The following RAB1B variants were observed in gnomAD, a reference collection of about 807,000 sequenced individuals.
The protein encoded by RAB1B is ras-related protein Rab-1B.
In RAB1B, 10 loss-of-function variants were observed where a neutral mutation model predicts 24.8. The observed-to-expected ratio is 0.40, with a 90% CI of 0.25 to 0.68. RAB1B has a LOEUF of 0.68. Among genes scored for constraint, RAB1B ranks in the 30% least tolerant of loss-of-function variants. RAB1B has a pLI of 0.37. For missense variants in RAB1B, 154 were observed against 271.2 expected (o/e 0.57, Z 3.04); for synonymous variants, 99 against 111.7 (o/e 0.89, Z 0.72).
intron 4 of RAB1B, among the ~76,000 whole-genome samples, chr11:66,273,335 G>A (rs1391970924): frequency 6.6e-6 from 1 of 152,156 alleles, no homozygotes; most frequent in African/African-American, 2.4e-5. Flanking sequence ...ACGAGCTGTG[G>A]GGAAGCTACA....
At chr11:66,270,677 G>A (rs1022887455) in intron 1 of RAB1B, 3 of 152,294 alleles carry the variant, frequency 2.0e-5, no homozygotes, top group Non-Finnish European at 4.4e-5. Context: ...AGCCTCCCCA[G>A]TAGCTGGAAC....
chr11:66,268,906 C>G (rs1196147220), intron 1 of RAB1B, among the ~76,000 whole-genome samples: 1 of 145,636 alleles, frequency 6.9e-6, no homozygotes, highest in African/African-American at 2.5e-5. Context: ...CACCCGGGGC[C>G]CAGACGTGGC....
intron 1 of RAB1B, chr11:66,270,233 T>G (rs1252005760): frequency 6.7e-6 from 1 of 149,702 alleles, no homozygotes; most frequent in African/African-American, 2.5e-5. Context: ...ATAACAGGTT[T>G]TTGTTGTTGT....
chr11:66,271,346 A>C (rs901668652), intron 1 of RAB1B: 21 of 156,970 alleles, frequency 1.3e-4, no homozygotes, highest in Non-Finnish European at 3.0e-4. Flanking sequence ...AACTTAGACA[A>C]GCATGGTGGC....
chr11:66,269,284 G>A (rs1264254846), intron 1 of RAB1B, among the ~76,000 whole-genome samples: 1 of 152,040 alleles, frequency 6.6e-6, no homozygotes, highest in African/African-American at 2.4e-5. Context: ...CGCTCCCGCC[G>A]GTCCGTCCTT....
At position 66,276,057 on chromosome 11, in the gene RAB1B, C is replaced by G; in HGVS notation, c.425C>G (p.Ser142Cys). The stretch of plus-strand genomic sequence containing the variant: ...CTCCCTTGTCAGGAGTTTGCAGACT[C>G]TCTGGGCATCCCCTTCTTGGAGACG... ...DNTTAKEFAD[S>C]LGIPFLETSA... The change falls in exon 6 of 6, where the codon TCT becomes TGT. Residue 142 changes from serine (S) to cysteine (C), a missense_variant. Ser to Cys is a moderately radical substitution (Grantham distance 112). Around this residue, in one of 2 missense-constraint regions of RAB1B, gnomAD observed 77 missense variants for 97.8 expected, o/e 0.79. Transcript: ENST00000311481. 2 of 1,613,398 alleles carry G rather than the reference C, an allele frequency of 1.2e-6. No homozygotes were observed. The highest frequency in any genetic ancestry group is 8.5e-7 in the Non-Finnish European group (1 of 1,179,760).
At chr11:66,269,874 C>CT (rs1345811011) in intron 1 of RAB1B, 143 of 145,476 alleles carry the variant, frequency 9.8e-4, no homozygotes, top group East Asian at 1.6e-3. Context: ...TACCTTTTGC[C>CT]TTTTTTTTTT....
At chr11:66,275,683 G>A (rs574180074) in intron 4 of RAB1B, 121 bp from the exon 5 acceptor site, 6 of 1,087,520 alleles carry the variant, frequency 5.5e-6, no homozygotes, top group African/African-American at 3.2e-5. Flanking sequence ...TCTCTGCATC[G>A]CTGAGCCCAG....
chr11:66,268,827 C>CCA, intron 1 of RAB1B, 134 bp downstream of exon 1: 1 of 942,886 alleles, frequency 1.1e-6, no homozygotes, highest in Non-Finnish European at 1.4e-6. Flanking sequence ...CGCTGACCCC[C>CCA]CCCCACATCC....
rs1857145893 is a variant in RAB1B, at chr11:66,276,369, A to G, written c.*131A>G. On this transcript the variant is annotated 3_prime_UTR_variant, in exon 6 of 6. Transcript: ENST00000311481. ...GGCTTTGGGGTGTCCTGGGCTCCCC[A>G]TCTCCTTCTGGCCCATCTGCCTGCT... 1 of 888,028 alleles carries G rather than the reference A, an allele frequency of 1.1e-6. No homozygotes were observed. The highest frequency in any genetic ancestry group is 1.6e-6 in the Non-Finnish European group (1 of 611,626). 55.0% of individuals were successfully genotyped at this position (888,028 alleles called of 1,614,324 possible). A position where few individuals can be genotyped will look rare whatever the true frequency, so the allele number is the denominator to read the frequency against.
chr11:66,271,585 A>G (rs1857058137), intron 1 of RAB1B: 2 of 439,046 alleles, frequency 4.6e-6, no homozygotes, highest in Non-Finnish European at 8.2e-6. Context: ...TGGGAAGATC[A>G]CTTTGAGCCC....
chr11:66,272,019 CA>C, intron 2 of RAB1B, 137 bp from the exon 3 acceptor site: 1 of 943,800 alleles, frequency 1.1e-6, no homozygotes, highest in Non-Finnish European at 1.7e-6. Context: ...CTGAACAAGA[CA>C]GGGCTGGCCA....
intron 4 of RAB1B, among the ~76,000 whole-genome samples, chr11:66,272,875 G>C (rs1857083860): frequency 6.6e-6 from 1 of 152,242 alleles, no homozygotes; most frequent in Non-Finnish European, 1.5e-5. Context: ...AGACAAAGAA[G>C]CAGGGAAGCT....
chr11:66,275,962 G>T, intron 5 of RAB1B, 27 bp downstream of exon 5: 1 of 1,609,786 alleles, frequency 6.2e-7, no homozygotes, highest in Middle Eastern at 1.7e-4. Flanking sequence ...TCTGCCCGGG[G>T]TCGGGGCGCT....
chr11:66,272,281 G>A (rs754729470), intron 3 of RAB1B, 29 bp downstream of exon 3: 2 of 1,603,166 alleles, frequency 1.2e-6, no homozygotes, highest in Non-Finnish European at 1.7e-6. Flanking sequence ...AAAATCCCCA[G>A]TACAGAGGTA....
intron 4 of RAB1B, among the ~76,000 whole-genome samples, chr11:66,273,277 A>G (rs1172625154): frequency 6.6e-6 from 1 of 152,220 alleles, no homozygotes; most frequent in Admixed American, 6.5e-5. Flanking sequence ...TCTGAGGAGC[A>G]GCCGGGCTCT....
intron 1 of RAB1B, among the ~76,000 whole-genome samples, chr11:66,269,060 T>G (rs944352806): frequency 2.0e-5 from 3 of 152,054 alleles, no homozygotes; most frequent in Non-Finnish European, 2.9e-5. Context: ...GAGCCCGTCT[T>G]GATAGTTTCT....
rs759820359 is a variant in RAB1B, at chr11:66,272,226, G to T, written c.157G>T (p.Asp53Tyr). 4.3e-6 allele frequency: 7 copies of T among 1,613,892 alleles called. No homozygotes were observed. In the Admixed American group the frequency reaches 1.0e-4, roughly 23 times the overall value. The part of the protein sequence containing the change: ...VDFKIRTIEL[D>Y]GKTIKLQIWD... Reference sequence around the variant, plus strand: ...CTTCAAGATCCGAACCATCGAGCTGGATGGCAAAACTATCAAACTTCAGAT... The same window carrying T: ...CTTCAAGATCCGAACCATCGAGCTGTATGGCAAAACTATCAAACTTCAGAT... The change falls in exon 3 of 6, where the codon GAT becomes TAT. Residue 53 changes from aspartate to tyrosine, a missense_variant. Physicochemically the swap from Asp to Tyr is radical, Grantham distance 160 (BLOSUM62 -3). Around this residue, in one of 2 missense-constraint regions of RAB1B, gnomAD observed 77 missense variants for 173.4 expected, o/e 0.44. Coordinates refer to ENST00000311481, the MANE Select transcript of RAB1B (RefSeq NM_030981.3).
rs1051694312 is a variant in RAB1B, at chr11:66,277,003, A to C, written c.*765A>C. 6.5e-6 allele frequency: 1 copy of C among 152,820 alleles called. No individual in the cohort carries two copies. The highest frequency in any genetic ancestry group is 2.4e-5 in the African/African-American group (1 of 41,394). The allele number at this position is 152,820 out of a possible 1,614,324, so 9.5% of individuals were successfully genotyped here. A position where few individuals can be genotyped will look rare whatever the true frequency, so the allele number is the denominator to read the frequency against. On this transcript the variant is annotated 3_prime_UTR_variant, in exon 6 of 6. Coordinates refer to ENST00000311481, the MANE Select transcript of RAB1B (RefSeq NM_030981.3). ...GGAGGCGGAAGGCCCACCGTGCCAG[A>C]GGCTGGGCACCAGCCTTAACCCTCA...
Sources: allele counts gnomAD v4.1 joint callset (sites outside exome capture counted in the v4.1 genomes callset), GRCh38; gene constraint gnomAD v4.1.1; regional missense constraint gnomAD v4.1.1; transcripts MANE v1.5; gene names NCBI Gene and HGNC (gene_info 2026-07-23, HGNC 2026-07-21).